The following SIPA1L3 variants were observed in gnomAD, a reference collection of about 807,000 sequenced individuals.
SIPA1L3 encodes the protein signal-induced proliferation-associated 1-like protein 3.
In SIPA1L3, 59 loss-of-function variants were observed where a neutral mutation model predicts 150.1. That is an observed-to-expected ratio of 0.39 (90% CI 0.32 to 0.49). The LOEUF is 0.49. SIPA1L3 is among the 20% of genes least tolerant of loss of function. The pLI is 0.86. For missense variants in SIPA1L3, 2,211 were observed against 2,489.5 expected (o/e 0.89, Z 2.38); for synonymous variants, 1,070 against 1,077.6 (o/e 0.99, Z 0.14).
intron 10 of SIPA1L3, among the ~76,000 whole-genome samples, chr19:38,131,912 G>A (rs1034960019): frequency 2.0e-5 from 3 of 151,830 alleles, no homozygotes; most frequent in Non-Finnish European, 4.4e-5. Context: ...GTTAACAGGC[G>A]TGAGCCACTG....
chr19:38,198,258 C>T, intron 18 of SIPA1L3, 131 bp from the exon 19 acceptor site: 1 of 1,113,548 alleles, frequency 9.0e-7, no homozygotes, highest in Non-Finnish European at 1.2e-6. Context: ...CCAGCACTCC[C>T]AGACCCCTTA....
intron 1 of SIPA1L3, among the ~76,000 whole-genome samples, chr19:37,972,115 T>G (rs897279720): frequency 4.6e-5 from 7 of 151,912 alleles, no homozygotes; most frequent in African/African-American, 1.7e-4. Flanking sequence ...GTGGAGTTAC[T>G]AAGTCATGTG....
chr19:38,155,209 AC>A (rs987409442), intron 13 of SIPA1L3, among the ~76,000 whole-genome samples: 60 of 152,038 alleles, frequency 3.9e-4, no homozygotes, highest in Non-Finnish European at 7.2e-4. Flanking sequence ...AGGTGGTGCT[AC>A]CACATTATGG....
At chr19:37,952,392 G>A (rs1441735524) in intron 1 of SIPA1L3, among the ~76,000 whole-genome samples, 1 of 152,086 alleles carries the variant, frequency 6.6e-6, no homozygotes, top group East Asian at 1.9e-4. Context: ...AAAATTCTCT[G>A]CCAGGCGCAG....
chr19:38,154,670 A>C (rs1283495245), intron 13 of SIPA1L3, among the ~76,000 whole-genome samples: 5 of 151,390 alleles, frequency 3.3e-5, no homozygotes, highest in Admixed American at 3.3e-4. Flanking sequence ...CTCGTCTCGA[A>C]CTCCTGACCT....
chr19:38,058,651 A>G (rs1451440265), intron 2 of SIPA1L3, among the ~76,000 whole-genome samples: 1 of 152,162 alleles, frequency 6.6e-6, no homozygotes, highest in African/African-American at 2.4e-5. Context: ...GTGAATCTCA[A>G]GCTATGGCAT....
chr19:38,132,751 G>C (rs973930127), intron 10 of SIPA1L3, among the ~76,000 whole-genome samples: 1 of 150,880 alleles, frequency 6.6e-6, no homozygotes, highest in Non-Finnish European at 1.5e-5. Context: ...GGGTTCCAGC[G>C]ATTCTCCTGT....
intron 2 of SIPA1L3, among the ~76,000 whole-genome samples, chr19:38,058,175 C>T (rs112298083): frequency 2.0e-5 from 3 of 152,276 alleles, no homozygotes; most frequent in African/African-American, 7.2e-5. Flanking sequence ...GTTGCAGTCC[C>T]GGAGCAGGAT....
chr19:38,111,965 A>G (rs1970763479), intron 8 of SIPA1L3, among the ~76,000 whole-genome samples: 1 of 94,550 alleles, frequency 1.1e-5, no homozygotes, highest in Non-Finnish European at 2.0e-5. Flanking sequence ...GCACACACGT[A>G]CATGCACACA....
chr19:38,158,345 C>T (rs1157769617), intron 13 of SIPA1L3, among the ~76,000 whole-genome samples: 2 of 152,154 alleles, frequency 1.3e-5, no homozygotes, highest in African/African-American at 4.8e-5. Context: ...GCAAAGAAGT[C>T]AGTGGGGATG....
chr19:38,101,918 T>A (rs1251665655), intron 6 of SIPA1L3, among the ~76,000 whole-genome samples: 2 of 152,188 alleles, frequency 1.3e-5, no homozygotes, highest in Non-Finnish European at 2.9e-5. Flanking sequence ...CCAGAGGAGA[T>A]GAACTGGCAC....
At chr19:38,058,861 C>G (rs1007430753) in intron 2 of SIPA1L3, among the ~76,000 whole-genome samples, 2 of 151,880 alleles carry the variant, frequency 1.3e-5, no homozygotes, top group African/African-American at 4.8e-5. Flanking sequence ...CCTGTCTCTA[C>G]TAAAAATAGA....
At chr19:38,005,467 G>A (rs78932029) in intron 1 of SIPA1L3, among the ~76,000 whole-genome samples, 2,995 of 151,946 alleles carry the variant, frequency 0.02, 89 homozygotes, top group African/African-American at 0.068. Flanking sequence ...TTCTCCCACC[G>A]TGCTGCCCAC....
At position 38,195,881 on chromosome 19, in the gene SIPA1L3, A is replaced by T. The variant is rs540240846; in HGVS notation, c.4840+2101A>T. Reference sequence around the variant, plus strand: ...CATCACCATCCTGAGCTGTCACTAGATGAGAATGTGTCTGTCTCCACCACC... The same window carrying T: ...CATCACCATCCTGAGCTGTCACTAGTTGAGAATGTGTCTGTCTCCACCACC... On this transcript the variant is annotated intron_variant, in intron 18 of 21. Coordinates refer to ENST00000222345, the MANE Select transcript of SIPA1L3 (RefSeq NM_015073.3). Among the ~76,000 whole-genome samples, 10 of 146,006 alleles carry T rather than the reference A, an allele frequency of 6.8e-5. No individual in the cohort carries two copies. The East Asian group carries it at 2.1e-3, about 31-fold the overall frequency.
At chr19:38,144,422 A>G (rs1971662686) in intron 12 of SIPA1L3, among the ~76,000 whole-genome samples, 2 of 152,234 alleles carry the variant, frequency 1.3e-5, no homozygotes, top group South Asian at 4.1e-4. Flanking sequence ...AAGACCAGGG[A>G]TCAGGCCACC....
intron 1 of SIPA1L3, among the ~76,000 whole-genome samples, chr19:37,981,712 C>A (rs145962349): frequency 6.6e-4 from 101 of 152,300 alleles, no homozygotes; most frequent in African/African-American, 2.4e-3. Flanking sequence ...TACCACCTCA[C>A]CTTTTCTGCA....
intron 1 of SIPA1L3, among the ~76,000 whole-genome samples, chr19:37,985,401 G>A (rs1967322787): frequency 6.6e-6 from 1 of 152,068 alleles, no homozygotes. Context: ...GATGGCACAT[G>A]CCTCTAGTTC....
rs1319634670 is a variant in SIPA1L3, at chr19:38,110,396, A to G, written c.2291+12A>G. ...AACGTCTGTTACAGGTATGCCCCCC[A>G]CACCCGGCCCCCAGCAGCGTATGGA... On this transcript the variant is annotated intron_variant, in intron 8 of 21. Transcript: ENST00000222345. The G allele has an allele frequency of 6.2e-7, 1 of 1,605,462 alleles. No homozygotes were observed. Among genetic ancestry groups the G allele is most frequent in the East Asian group, 2.2e-5 (1 of 44,600 alleles).
intron 2 of SIPA1L3, among the ~76,000 whole-genome samples, chr19:38,074,890 G>A (rs375070432): frequency 4.6e-5 from 7 of 152,108 alleles, no homozygotes; most frequent in South Asian, 2.1e-4. Context: ...ACGCCACCAC[G>A]CCTGGCTAAG....
Sources: allele counts gnomAD v4.1 joint callset (sites outside exome capture counted in the v4.1 genomes callset), GRCh38; gene constraint gnomAD v4.1.1; transcripts MANE v1.5; gene names NCBI Gene and HGNC (gene_info 2026-07-23, HGNC 2026-07-21).